Variants in TMEM123 observed in about 807,000 individuals in gnomAD.
TMEM123 encodes porimin.
Under a neutral mutation model 19.7 loss-of-function variants are expected in TMEM123, and 16 were observed. The observed-to-expected ratio is 0.81, with a 90% CI of 0.55 to 1.23. TMEM123 has a LOEUF of 1.23. TMEM123 is among the 50% of genes most tolerant of loss of function. TMEM123 has a pLI of 0.00. For synonymous variants in TMEM123, 118 were observed against 99.4 expected, an observed-to-expected ratio of 1.19 and a Z score of -1.12; for missense variants, 313 against 257.8, an observed-to-expected ratio of 1.21 and a Z score of -1.47.
intron 1 of TMEM123, 102 bp downstream of exon 1, chr11:102,452,422 A>T: frequency 9.8e-7 from 1 of 1,024,354 alleles, no homozygotes; most frequent in Non-Finnish European, 1.3e-6. Context: ...GTTCGGCCAG[A>T]CACACGCGGA....
At chr11:102,449,890 G>C (rs1773236771) in intron 1 of TMEM123, among the ~76,000 whole-genome samples, 1 of 152,192 alleles carries the variant, frequency 6.6e-6, no homozygotes, top group Non-Finnish European at 1.5e-5. Flanking sequence ...CAGATACAAA[G>C]TGGCAGAGAC....
intron 2 of TMEM123, among the ~76,000 whole-genome samples, chr11:102,404,304 G>C (rs1820718659): frequency 6.6e-6 from 1 of 152,108 alleles, no homozygotes; most frequent in African/African-American, 2.4e-5. Context: ...TTAACTTAGA[G>C]ACAAAGTCTT....
At chr11:102,422,677 T>C (rs535143966) in intron 2 of TMEM123, among the ~76,000 whole-genome samples, 1 of 152,212 alleles carries the variant, frequency 6.6e-6, no homozygotes, top group Non-Finnish European at 1.5e-5. Context: ...AGCAACATAA[T>C]ACCGTGCTTT....
intron 2 of TMEM123, among the ~76,000 whole-genome samples, chr11:102,407,715 G>A (rs1389691513): frequency 7.2e-5 from 11 of 152,156 alleles, no homozygotes; most frequent in Admixed American, 7.2e-4. Context: ...GGAATGCCAT[G>A]GATTGCCACA....
chr11:102,405,469 ATCTTT>A (rs1464019692), intron 2 of TMEM123, among the ~76,000 whole-genome samples: 1 of 152,246 alleles, frequency 6.6e-6, no homozygotes, highest in Non-Finnish European at 1.5e-5. Context: ...ACTTGAACTA[ATCTTT>A]TCTTATTCAA....
intron 2 of TMEM123, among the ~76,000 whole-genome samples, chr11:102,403,340 T>C (rs1443850823): frequency 6.6e-6 from 1 of 152,180 alleles, no homozygotes; most frequent in Non-Finnish European, 1.5e-5. Flanking sequence ...TCGATTACTT[T>C]TGTTTTCATC....
Position 102,401,538 on chromosome 11 carries a change from C to G in TMEM123, c.602+1G>C. The G allele has an allele frequency of 6.4e-7, 1 of 1,562,018 alleles. No homozygotes were observed. The highest frequency in any genetic ancestry group is 8.6e-7 in the Non-Finnish European group (1 of 1,163,934). The stretch of plus-strand genomic sequence containing the variant: ...AAAAGTCCTGGCCATTCAAAACTTA[C>G]ATGGTTCGATACCGAATGCCTCTTC... On this transcript the variant is annotated splice_donor_variant, in intron 4 of 4. Transcript: ENST00000398136. LOFTEE classifies it high-confidence loss of function.
chr11:102,440,134 T>C (rs543508472), intron 2 of TMEM123, among the ~76,000 whole-genome samples: 1 of 152,242 alleles, frequency 6.6e-6, no homozygotes, highest in African/African-American at 2.4e-5. Context: ...TTCAGGATAT[T>C]ATCCAGGAGA....
chr11:102,433,585 G>C (rs144487487), intron 2 of TMEM123, among the ~76,000 whole-genome samples: 1 of 151,984 alleles, frequency 6.6e-6, no homozygotes, highest in East Asian at 1.9e-4. Context: ...GTTAATGCTG[G>C]AATGAGTTAA....
At chr11:102,403,871 C>CT (rs1951932555) in intron 2 of TMEM123, among the ~76,000 whole-genome samples, 1 of 152,192 alleles carries the variant, frequency 6.6e-6, no homozygotes, top group African/African-American at 2.4e-5. Context: ...CTCGGGTTTT[C>CT]TATCTTTGCA....
At chr11:102,434,999 G>C (rs1423363278) in intron 2 of TMEM123, among the ~76,000 whole-genome samples, 1 of 151,756 alleles carries the variant, frequency 6.6e-6, no homozygotes, top group Non-Finnish European at 1.5e-5. Flanking sequence ...GCTTTGTGGT[G>C]GAAGTACATT....
At chr11:102,423,375 G>T (rs1018865185) in intron 2 of TMEM123, among the ~76,000 whole-genome samples, 1 of 152,174 alleles carries the variant, frequency 6.6e-6, no homozygotes, top group Non-Finnish European at 1.5e-5. Context: ...TCATAATAAG[G>T]ATAGCTCCCT....
chr11:102,440,603 T>C (rs958007736), intron 2 of TMEM123, among the ~76,000 whole-genome samples: 1 of 152,106 alleles, frequency 6.6e-6, no homozygotes, highest in Non-Finnish European at 1.5e-5. Flanking sequence ...ACATGTCAAA[T>C]TGTAAAGACC....
At chr11:102,414,599 A>C (rs1304153168) in intron 2 of TMEM123, among the ~76,000 whole-genome samples, 4 of 152,234 alleles carry the variant, frequency 2.6e-5, no homozygotes, top group African/African-American at 9.6e-5. Flanking sequence ...AGCTAAGCTA[A>C]ACTTCATGAG....
intron 4 of TMEM123, 121 bp from the exon 5 acceptor site, chr11:102,399,012 G>C (rs12269847): frequency 0.06 from 53,329 of 884,334 alleles, 1,904 homozygotes; most frequent in Non-Finnish European, 0.072. Flanking sequence ...AAAATGGTCA[G>C]TGTTCTGTGT....
At chr11:102,426,022 T>TG (rs1346903467) in intron 2 of TMEM123, among the ~76,000 whole-genome samples, 3 of 152,242 alleles carry the variant, frequency 2.0e-5, no homozygotes, top group Admixed American at 6.5e-5. Context: ...AAGCACCTCA[T>TG]GGTGATATTT....
chr11:102,445,685 T>C (rs1857877753), intron 2 of TMEM123, among the ~76,000 whole-genome samples: 1 of 152,196 alleles, frequency 6.6e-6, no homozygotes, highest in Admixed American at 6.5e-5. Context: ...CCTTCTTCTG[T>C]AGAAATCTAA....
In TMEM123 at chr11:102,425,830, C is replaced by T. The variant is rs965911047; in HGVS notation, c.157+22982G>A. 9.9e-5 allele frequency among the ~76,000 whole-genome samples: 15 copies of T among 152,182 alleles called. No individual in the cohort carries two copies. The East Asian group carries it at 2.7e-3, about 27-fold the overall frequency. On this transcript the variant is annotated intron_variant, in intron 2 of 4. Transcript: ENST00000398136. ...CTCCTGGAGTCAAGCAATCTGCCTCCCAAAGAGCTGGAATTACAGGCATGA... is the reference window on the plus strand; with the variant it reads ...CTCCTGGAGTCAAGCAATCTGCCTCTCAAAGAGCTGGAATTACAGGCATGA...
At position 102,396,815 on chromosome 11, in the gene TMEM123, T is replaced by C. The variant is rs755063502; in HGVS notation, c.*2052A>G. Reference sequence around the variant, plus strand: ...ACTTCAAACCCAATGCAGAGGAAACTTTCAAGGCAAATGATGACTTAGTAC... The same window carrying C: ...ACTTCAAACCCAATGCAGAGGAAACCTTCAAGGCAAATGATGACTTAGTAC... On this transcript the variant is annotated 3_prime_UTR_variant, in exon 5 of 5. Transcript: ENST00000398136. 2 of 152,180 alleles carry C rather than the reference T, an allele frequency of 1.3e-5. No homozygotes were observed. The highest frequency in any genetic ancestry group is 2.9e-5 in the Non-Finnish European group (2 of 68,028). The allele number at this position is 152,180 out of a possible 1,614,324, so 9.4% of individuals were successfully genotyped here.
Sources: allele counts gnomAD v4.1 joint callset (sites outside exome capture counted in the v4.1 genomes callset), GRCh38; gene constraint gnomAD v4.1.1; transcripts MANE v1.5; gene names NCBI Gene and HGNC (gene_info 2026-07-23, HGNC 2026-07-21).